ALOX5AP: variants seen among roughly 807,000 people sequenced by gnomAD.
The protein encoded by ALOX5AP is arachidonate 5-lipoxygenase activating protein.
A neutral mutation model predicts 18.5 loss-of-function variants in ALOX5AP; 9 were observed. That is an observed-to-expected ratio of 0.49 (90% CI 0.29 to 0.85). The LOEUF is 0.85. Among genes scored for constraint, ALOX5AP ranks in the 40% least tolerant of loss-of-function variants. ALOX5AP has a pLI of 0.08. For synonymous variants in ALOX5AP, 81 were observed against 78.6 expected (o/e 1.03, Z -0.16); for missense variants, 172 against 202.5 (o/e 0.85, Z 0.91).
At chr13:30,719,849 T>C (rs1270654775) in intron 1 of ALOX5AP, among the ~76,000 whole-genome samples, 2 of 151,878 alleles carry the variant, frequency 1.3e-5, no homozygotes, top group Admixed American at 1.3e-4. Context: ...TTCCCTTTTT[T>C]TTTTCCCAGA....
At chr13:30,735,499 A>G (rs976784450), upstream of ALOX5AP, 1 of 1,547,938 alleles carries the variant, frequency 6.5e-7, no homozygotes, top group Non-Finnish European at 8.8e-7. Flanking sequence ...GGGGATCTTC[A>G]GAAATTGTAA....
chr13:30,745,160 C>T lies in ALOX5AP; in HGVS notation c.170+1001C>T, dbSNP rs940184623. On this transcript the variant is annotated intron_variant, in intron 2 of 4. Transcript: ENST00000380490. ...GAATTAAACTGGCTTCAAGGGATCT[C>T]GACTGAACAGGCCTATATCACACTC... 2.6e-5 allele frequency among the ~76,000 whole-genome samples: 4 copies of T among 152,168 alleles called. No individual in the cohort carries two copies. In the South Asian group the frequency reaches 6.2e-4, roughly 24 times the overall value.
intron 1 of ALOX5AP, among the ~76,000 whole-genome samples, chr13:30,729,220 C>CTAAAAA (rs1951661343): frequency 6.6e-6 from 1 of 151,910 alleles, no homozygotes; most frequent in Non-Finnish European, 1.5e-5. Flanking sequence ...TCTTCATGGT[C>CTAAAAA]ACAAAGACTT....
At chr13:30,728,259 C>G (rs749493811) in intron 1 of ALOX5AP, among the ~76,000 whole-genome samples, 8 of 152,168 alleles carry the variant, frequency 5.3e-5, no homozygotes, top group Non-Finnish European at 1.0e-4. Context: ...TTACAGGGAG[C>G]ATAGCCCTGC....
At chr13:30,738,213 A>G (rs989839655) in intron 1 of ALOX5AP, among the ~76,000 whole-genome samples, 14 of 152,188 alleles carry the variant, frequency 9.2e-5, no homozygotes, top group Non-Finnish European at 1.8e-4. Flanking sequence ...ATTTTCTGTG[A>G]TTGGGCAGAG....
chr13:30,733,083 C>T (rs1159787597), upstream of ALOX5AP, among the ~76,000 whole-genome samples: 1 of 149,550 alleles, frequency 6.7e-6, no homozygotes, highest in Admixed American at 6.7e-5. Flanking sequence ...GGCGTGAACC[C>T]GGGAGGCAGA....
At chr13:30,752,238 GC>G (rs1325929226) in intron 3 of ALOX5AP, 116 bp downstream of exon 3, 10 of 1,081,622 alleles carry the variant, frequency 9.2e-6, no homozygotes, top group Admixed American at 2.0e-5. Context: ...CATCTGTGAA[GC>G]CCTGGAGAGG....
At chr13:30,752,230 T>C in intron 3 of ALOX5AP, 108 bp downstream of exon 3, 3 of 1,155,430 alleles carry the variant, frequency 2.6e-6, no homozygotes, top group Non-Finnish European at 3.8e-6. Context: ...CTGGCTCCCA[T>C]CTGTGAAGCC....
Position 30,755,968 on chromosome 13 carries a change from T to C in ALOX5AP, c.266T>C (p.Met89Thr). ...SQVPAAFAGL[M>T]YLFVRQKYFV... ...GTTCCTGCTGCGTTTGCTGGACTGATGTACTTGTTTGTGAGGCAAAAGTAC... is the reference window on the plus strand; with the variant it reads ...GTTCCTGCTGCGTTTGCTGGACTGACGTACTTGTTTGTGAGGCAAAAGTAC... The change falls in exon 4 of 5, where the codon ATG (methionine) becomes ACG (threonine). Residue 89 changes from methionine (M) to threonine (T), a missense_variant. Met to Thr is a moderately conservative substitution (Grantham distance 81). Coordinates refer to ENST00000380490, the MANE Select transcript of ALOX5AP (RefSeq NM_001629.4). The C allele has an allele frequency of 6.2e-7, 1 of 1,614,228 alleles. No homozygotes were observed. The highest frequency in any genetic ancestry group is 1.1e-5 in the South Asian group (1 of 91,086).
At chr13:30,719,757 T>C (rs1951578843) in intron 1 of ALOX5AP, among the ~76,000 whole-genome samples, 1 of 152,166 alleles carries the variant, frequency 6.6e-6, no homozygotes, top group South Asian at 2.1e-4. Context: ...GATATTCCGC[T>C]GAAAAACTCA....
At chr13:30,727,544 G>A (rs986848224) in intron 1 of ALOX5AP, among the ~76,000 whole-genome samples, 1 of 152,160 alleles carries the variant, frequency 6.6e-6, no homozygotes, top group Non-Finnish European at 1.5e-5. Flanking sequence ...GAGGAAGGTG[G>A]GAGTGAAGGA....
chr13:30,744,329 T>C, intron 2 of ALOX5AP, 170 bp downstream of exon 2: 1 of 591,678 alleles, frequency 1.7e-6, no homozygotes, highest in Non-Finnish European at 3.0e-6. Flanking sequence ...ACACCCTTTA[T>C]CATCTTAGTG....
At chr13:30,718,860 C>T (rs17216494) in intron 1 of ALOX5AP, among the ~76,000 whole-genome samples, 1 of 152,156 alleles carries the variant, frequency 6.6e-6, no homozygotes, top group Admixed American at 6.5e-5. Flanking sequence ...ACTCCCTCCC[C>T]CAAGTTCACA....
chr13:30,744,424 GAA>G lies in ALOX5AP; in HGVS notation c.170+267_170+268del, dbSNP rs1228413631. 1.0e-4 allele frequency: 36 copies of G among 360,486 alleles called. No homozygotes were observed. In the East Asian group the frequency reaches 1.7e-3, roughly 17 times the overall value. The allele number at this position is 360,486 out of a possible 1,614,324, so 22.3% of individuals were successfully genotyped here. ...GATCTCTGCAGCTTCAGAAAGATCT[GAA>G]AGAGTCATTTGGTTAGAGAAGTTGA... is the stretch of plus-strand genomic sequence containing the variant. On this transcript the variant is annotated intron_variant, in intron 2 of 4. Coordinates refer to ENST00000380490, the MANE Select transcript of ALOX5AP (RefSeq NM_001629.4).
chr13:30,735,368 TCTGCCAAGCC>T (rs375512144), upstream of ALOX5AP: 63 of 803,006 alleles, frequency 7.8e-5, no homozygotes, highest in African/African-American at 1.1e-3. Flanking sequence ...TGCGTGCTCC[TCTGCCAAGCC>T]CTGCTTCTCC....
intron 1 of ALOX5AP, among the ~76,000 whole-genome samples, chr13:30,722,036 C>T (rs1951598212): frequency 6.6e-6 from 1 of 152,194 alleles, no homozygotes; most frequent in Admixed American, 6.5e-5. Flanking sequence ...CAGTAAAGTG[C>T]CCGGCTGACA....
chr13:30,741,391 C>CTTTTTTT (rs34793607), intron 1 of ALOX5AP, among the ~76,000 whole-genome samples: 4 of 128,776 alleles, frequency 3.1e-5, no homozygotes, highest in Non-Finnish European at 3.3e-5. Flanking sequence ...CTTGTTTTGT[C>CTTTTTTT]TTTTTTTTTT....
At chr13:30,751,993 G>T (rs1338882071) in intron 2 of ALOX5AP, 59 bp from the exon 3 acceptor site, 6 of 1,497,188 alleles carry the variant, frequency 4.0e-6, no homozygotes, top group South Asian at 1.1e-5. Flanking sequence ...GTAATTTTCA[G>T]ACCACATTGC....
chr13:30,722,521 G>T (rs1197719275), intron 1 of ALOX5AP, among the ~76,000 whole-genome samples: 1 of 152,144 alleles, frequency 6.6e-6, no homozygotes, highest in African/African-American at 2.4e-5. Context: ...TGGTATATAT[G>T]CTCAGTAAGT....
Sources: gnomAD v4.1 joint callset for allele counts (sites outside exome capture counted in the v4.1 genomes callset) on GRCh38, gnomAD v4.1.1 for gene constraint, MANE v1.5 for transcripts, NCBI Gene and HGNC (gene_info 2026-07-23, HGNC 2026-07-21) for gene names.